Variants in EXOC4 observed in about 807,000 individuals in gnomAD.
The protein encoded by EXOC4 is SEC8-like 1.
In EXOC4, 71 loss-of-function variants were observed where a neutral mutation model predicts 107.2. That is an observed-to-expected ratio of 0.66 (90% CI 0.55 to 0.81). The LOEUF (loss-of-function observed/expected upper bound fraction) is 0.81. EXOC4 is among the 30% of genes least tolerant of loss of function. The pLI, the probability that EXOC4 is intolerant of heterozygous loss-of-function variation, is 0.00. For missense variants in EXOC4, 1,108 were observed against 1,189.6 expected, an observed-to-expected ratio of 0.93 and a Z score of 1.01; for synonymous variants, 456 against 441.2, an observed-to-expected ratio of 1.03 and a Z score of -0.42.
At chr7:134,042,533 T>C (rs568319308) in intron 17 of EXOC4, among the ~76,000 whole-genome samples, 1 of 151,030 alleles carries the variant, frequency 6.6e-6, no homozygotes, top group Non-Finnish European at 1.5e-5. Flanking sequence ...CATCTACGAC[T>C]GGGCACACTG....
intron 11 of EXOC4, among the ~76,000 whole-genome samples, chr7:133,875,331 C>G (rs1172447860): frequency 6.6e-6 from 1 of 152,108 alleles, no homozygotes; most frequent in Non-Finnish European, 1.5e-5. Flanking sequence ...GCGTGGAAAC[C>G]TATGCTAAAA....
intron 9 of EXOC4, among the ~76,000 whole-genome samples, chr7:133,529,207 T>G (rs747520948): frequency 2.6e-5 from 4 of 152,212 alleles, no homozygotes; most frequent in African/African-American, 4.8e-5. Flanking sequence ...TTCTCCTTCT[T>G]CTTTGCCTTT....
At chr7:133,666,718 T>C (rs1047271652) in intron 10 of EXOC4, among the ~76,000 whole-genome samples, 1 of 152,178 alleles carries the variant, frequency 6.6e-6, no homozygotes. Context: ...TTCCAGACAC[T>C]ATGCCAGTCA....
At chr7:133,567,568 C>T (rs1023364874) in intron 9 of EXOC4, among the ~76,000 whole-genome samples, 1 of 152,066 alleles carries the variant, frequency 6.6e-6, no homozygotes, top group African/African-American at 2.4e-5. Flanking sequence ...CGTTATATTC[C>T]AGGGTTTGTG....
chr7:133,719,858 T>G (rs1795071148), intron 10 of EXOC4, among the ~76,000 whole-genome samples: 1 of 152,198 alleles, frequency 6.6e-6, no homozygotes, highest in Non-Finnish European at 1.5e-5. Flanking sequence ...TTCTGTTTTC[T>G]AACCCCGTCT....
At chr7:133,901,640 A>T (rs900870938) in intron 12 of EXOC4, among the ~76,000 whole-genome samples, 4 of 152,206 alleles carry the variant, frequency 2.6e-5, no homozygotes, top group African/African-American at 4.8e-5. Context: ...TAGCGAAGTG[A>T]TATGCTCCCC....
intron 9 of EXOC4, among the ~76,000 whole-genome samples, chr7:133,571,927 G>A (rs1329097599): frequency 7.2e-5 from 11 of 152,134 alleles, no homozygotes; most frequent in African/African-American, 2.2e-4. Context: ...AATCACTTCC[G>A]AAAGGCACTA....
chr7:133,957,477 A>G (rs959786912), intron 14 of EXOC4, among the ~76,000 whole-genome samples: 1 of 152,210 alleles, frequency 6.6e-6, no homozygotes, highest in Admixed American at 6.5e-5. Context: ...AACTTAGTCT[A>G]AATTAGGATT....
At chr7:133,819,309 T>A (rs1797453237) in intron 11 of EXOC4, among the ~76,000 whole-genome samples, 1 of 146,190 alleles carries the variant, frequency 6.8e-6, no homozygotes, top group South Asian at 2.1e-4. Context: ...CCCAGATAGA[T>A]CTCCCCAGTT....
chr7:133,755,946 A>AT (rs1454988629), intron 10 of EXOC4, among the ~76,000 whole-genome samples: 1 of 152,178 alleles, frequency 6.6e-6, no homozygotes, highest in Non-Finnish European at 1.5e-5. Flanking sequence ...TGGTGGCTGT[A>AT]TTCTCAGTAA....
intron 9 of EXOC4, among the ~76,000 whole-genome samples, chr7:133,496,008 T>G (rs1799470307): frequency 6.6e-6 from 1 of 152,176 alleles, no homozygotes; most frequent in African/African-American, 2.4e-5. Context: ...ACCTTCTTTT[T>G]TTTTAAAGAA....
intron 10 of EXOC4, among the ~76,000 whole-genome samples, chr7:133,737,877 G>C (rs1585113135): frequency 7.2e-6 from 1 of 138,758 alleles, no homozygotes. Context: ...TTTTAACTTT[G>C]CCCACTTTTT....
rs1377402906 is a variant in EXOC4 at position 133,253,189 on chromosome 7, T to C, written c.86+2T>C. The C allele has an allele frequency of 6.2e-7, 1 of 1,613,592 alleles. No individual in the cohort carries two copies. The highest frequency in any genetic ancestry group is 1.7e-5 in the Admixed American group (1 of 59,988). ...GGGGCTGCTCATCTCTGTGATCAGG[T>C]GAGGGAGGCAGGAGGCAGGGTCTGG... On this transcript the variant is annotated splice_donor_variant, in intron 1 of 17. Coordinates refer to ENST00000253861, the MANE Select transcript of EXOC4 (RefSeq NM_021807.4). LOFTEE classifies it high-confidence loss of function.
intron 11 of EXOC4, among the ~76,000 whole-genome samples, chr7:133,833,781 T>C (rs997278457): frequency 6.6e-6 from 1 of 152,158 alleles, no homozygotes; most frequent in Admixed American, 6.6e-5. Context: ...GCCATGCTGG[T>C]CTCAAACTCC....
At chr7:133,268,124 G>A (rs1793778033) in intron 1 of EXOC4, among the ~76,000 whole-genome samples, 1 of 152,098 alleles carries the variant, frequency 6.6e-6, no homozygotes, top group Admixed American at 6.5e-5. Flanking sequence ...CAATATCCTG[G>A]CAAGGCGGGT....
chr7:134,085,820 G>A, the EXOC4 span, among the ~76,000 whole-genome samples: 1 of 152,178 alleles, frequency 6.6e-6, no homozygotes, highest in African/African-American at 2.4e-5. Flanking sequence ...ATGGGAGCCT[G>A]GCAAAATATT....
At chr7:133,681,262 G>A (rs921660418) in intron 10 of EXOC4, among the ~76,000 whole-genome samples, 1 of 152,136 alleles carries the variant, frequency 6.6e-6, no homozygotes, top group African/African-American at 2.4e-5. Flanking sequence ...CTGTAACTTA[G>A]AGAAATTAGG....
rs535059538 is a variant in EXOC4, at chr7:133,369,885, A to G, written c.1008-4943A>G. The stretch of plus-strand genomic sequence containing the variant: ...GCAATGGCGCAATTTGGCTCACCCA[A>G]CCTTTGCCTGCCGGGTTCAAGCGAT... On this transcript the variant is annotated intron_variant, in intron 6 of 17. Transcript: ENST00000253861. 3.0e-5 allele frequency among the ~76,000 whole-genome samples: 4 copies of G among 132,888 alleles called. No individual in the cohort carries two copies. In the East Asian group the frequency reaches 8.6e-4, roughly 29 times the overall value. The allele number at this position is 132,888 out of a possible 152,430, so 87.2% of individuals were successfully genotyped here.
chr7:133,800,210 G>A (rs1169017938), intron 10 of EXOC4, among the ~76,000 whole-genome samples: 3 of 152,126 alleles, frequency 2.0e-5, no homozygotes, highest in Non-Finnish European at 2.9e-5. Context: ...AAACAAATTT[G>A]AAATGTTATT....
Sources: allele counts gnomAD v4.1 joint callset (sites outside exome capture counted in the v4.1 genomes callset), GRCh38; gene constraint gnomAD v4.1.1; transcripts MANE v1.5; gene names NCBI Gene and HGNC (gene_info 2026-07-23, HGNC 2026-07-21).